Variants in HECW1 observed in about 807,000 individuals in gnomAD.
The protein encoded by HECW1 is E3 ubiquitin-protein ligase HECW1.
In HECW1, 61 loss-of-function variants were observed where a neutral mutation model predicts 182.3. The observed-to-expected ratio is 0.33, with a 90% CI of 0.27 to 0.41. HECW1 has a LOEUF of 0.41. HECW1 is among the 10% of genes least tolerant of loss of function. The probability of loss-of-function intolerance (pLI) is 1.00; values close to 1 mark genes in which losing one functional copy is unlikely to be tolerated. For synonymous variants in HECW1, 859 were observed against 832.6 expected, an observed-to-expected ratio of 1.03 and a Z score of -0.55; for missense variants, 1,739 against 2,108.9, an observed-to-expected ratio of 0.82 and a Z score of 3.44.
intron 2 of HECW1, among the ~76,000 whole-genome samples, chr7:43,216,553 G>C (rs2152699280): frequency 6.6e-6 from 1 of 152,276 alleles, no homozygotes; most frequent in South Asian, 2.1e-4. Context: ...ATGGTAAGCT[G>C]AAGATGTTGC....
intron 2 of HECW1, among the ~76,000 whole-genome samples, chr7:43,217,413 C>A (rs1193653113): frequency 6.6e-6 from 1 of 152,232 alleles, no homozygotes; most frequent in Non-Finnish European, 1.5e-5. Context: ...ACTTCAAGTG[C>A]ATGAGTTCTG....
At chr7:43,461,716 A>T (rs2196146) in intron 13 of HECW1, among the ~76,000 whole-genome samples, 90,118 of 151,918 alleles carry the variant, frequency 0.59, 26,974 homozygotes, top group Middle Eastern at 0.71. Context: ...ACAACAAATG[A>T]TTCTCTCTGT....
chr7:43,396,772 A>G (rs760493961), intron 6 of HECW1, 42 bp from the exon 7 acceptor site: 3 of 1,296,904 alleles, frequency 2.3e-6, no homozygotes, highest in East Asian at 2.3e-5. Context: ...TATCCATTTC[A>G]GTGCTTGTTT....
At chr7:43,411,175 G>A (rs2075792118) in intron 8 of HECW1, among the ~76,000 whole-genome samples, 1 of 150,754 alleles carries the variant, frequency 6.6e-6, no homozygotes, top group South Asian at 2.1e-4. Flanking sequence ...TTATAAATTT[G>A]TATATAATTT....
chr7:43,218,759 T>C (rs1019225639), intron 2 of HECW1, among the ~76,000 whole-genome samples: 2 of 152,048 alleles, frequency 1.3e-5, no homozygotes, highest in Admixed American at 6.5e-5. Context: ...CCAGCCAGGA[T>C]TGGAAGGTGT....
chr7:43,278,617 T>C (rs1029288794), intron 3 of HECW1, among the ~76,000 whole-genome samples: 2 of 152,000 alleles, frequency 1.3e-5, no homozygotes, highest in African/African-American at 4.8e-5. Flanking sequence ...TTTTGCCTTC[T>C]TTCCCCTTCC....
chr7:43,448,124 G>GAACTC (rs2077120084), intron 11 of HECW1, among the ~76,000 whole-genome samples: 1 of 151,804 alleles, frequency 6.6e-6, no homozygotes, highest in Non-Finnish European at 1.5e-5. Flanking sequence ...AACAAGAGCA[G>GAACTC]AACTCTGTCT....
intron 8 of HECW1, among the ~76,000 whole-genome samples, chr7:43,422,487 C>T (rs1049341002): frequency 1.3e-5 from 2 of 151,836 alleles, no homozygotes; most frequent in South Asian, 2.1e-4. Flanking sequence ...CTCAGCCTCC[C>T]GAGTAGCTGA....
intron 2 of HECW1, among the ~76,000 whole-genome samples, chr7:43,177,020 T>G (rs1449451672): frequency 1.3e-5 from 2 of 152,230 alleles, no homozygotes; most frequent in South Asian, 4.1e-4. Flanking sequence ...CTGGCTATTA[T>G]TTTATGACAT....
chr7:43,506,273 C>T (rs978131245), intron 21 of HECW1, among the ~76,000 whole-genome samples: 3 of 152,090 alleles, frequency 2.0e-5, no homozygotes, highest in African/African-American at 7.2e-5. Flanking sequence ...TCCTACTTAC[C>T]TCATTATAGT....
chr7:43,205,446 C>A lies in HECW1; in HGVS notation c.-31-38429C>A, dbSNP rs939293003. 4.2e-4 allele frequency among the ~76,000 whole-genome samples: 64 copies of A among 152,134 alleles called. 1 individual carries two copies. The highest frequency in any genetic ancestry group is 7.6e-4 in the Non-Finnish European group (52 of 68,016). On this transcript the variant is annotated intron_variant, in intron 2 of 29. Transcript: ENST00000395891. ...GAACACAGCCTGGAACTGATGGGAACTATGCTAGTGTTTATTCAAGACTTT... is the reference window on the plus strand; with the variant it reads ...GAACACAGCCTGGAACTGATGGGAAATATGCTAGTGTTTATTCAAGACTTT...
At chr7:43,346,444 T>C (rs1813697470) in intron 5 of HECW1, among the ~76,000 whole-genome samples, 1 of 152,178 alleles carries the variant, frequency 6.6e-6, no homozygotes, top group South Asian at 2.1e-4. Context: ...ATGTGGGTTG[T>C]ATGTTTATTC....
chr7:43,364,189 C>T (rs906794225), intron 6 of HECW1, among the ~76,000 whole-genome samples: 2 of 152,194 alleles, frequency 1.3e-5, no homozygotes, highest in Non-Finnish European at 2.9e-5. Flanking sequence ...CTGTCACATG[C>T]TCCTTTGGTG....
intron 2 of HECW1, among the ~76,000 whole-genome samples, chr7:43,156,398 G>C (rs1024752668): frequency 4.6e-5 from 7 of 152,244 alleles, no homozygotes; most frequent in African/African-American, 1.7e-4. Flanking sequence ...TTAATCAATG[G>C]TATTTCTCTT....
At chr7:43,133,570 G>A (rs1446810135) in intron 2 of HECW1, among the ~76,000 whole-genome samples, 2 of 151,462 alleles carry the variant, frequency 1.3e-5, no homozygotes, top group Admixed American at 6.6e-5. Flanking sequence ...CTGTTTATTA[G>A]TAGCTTTAAT....
chr7:43,335,747 T>A (rs1020180963), intron 5 of HECW1, among the ~76,000 whole-genome samples: 1 of 148,668 alleles, frequency 6.7e-6, no homozygotes, highest in African/African-American at 2.5e-5. Flanking sequence ...CTTCCTCCTT[T>A]CCTCTCTTTC....
rs1441847560 is a variant in HECW1, at chr7:43,432,186, C to CTGGAG, written c.802-5814_802-5810dup. On this transcript the variant is annotated intron_variant, in intron 8 of 29. Coordinates refer to ENST00000395891, the MANE Select transcript of HECW1 (RefSeq NM_015052.5). The surrounding 1 kb of genome is among the most constrained non-coding windows in gnomAD (Gnocchi z 4.1). ...ACGGAGTCTCGCTCTGTCGCCCGGG[C>CTGGAG]TGGAGTGCAGTGGCGGGATCTCGGC... 6.8e-6 allele frequency among the ~76,000 whole-genome samples: 1 copy of CTGGAG among 147,976 alleles called. No homozygotes were observed. Among genetic ancestry groups the CTGGAG allele is most frequent in the East Asian group, 2.0e-4 (1 of 4,960 alleles).
At chr7:43,217,159 A>G (rs1269088383) in intron 2 of HECW1, among the ~76,000 whole-genome samples, 1 of 150,926 alleles carries the variant, frequency 6.6e-6, no homozygotes, top group Admixed American at 6.6e-5. Flanking sequence ...AGTACATGAA[A>G]AAAGCGAGCC....
chr7:43,240,187 A>C (rs1395472284), intron 2 of HECW1, among the ~76,000 whole-genome samples: 3 of 152,102 alleles, frequency 2.0e-5, no homozygotes, highest in African/African-American at 7.2e-5. Context: ...CTAAAAATAC[A>C]AAAAGCCAGG....
Sources: gnomAD v4.1 joint callset for allele counts (sites outside exome capture counted in the v4.1 genomes callset) on GRCh38, gnomAD v4.1.1 for gene constraint, Gnocchi (gnomAD v3.1) non-coding constraint, MANE v1.5 for transcripts, NCBI Gene and HGNC (gene_info 2026-07-23, HGNC 2026-07-21) for gene names.